The following HTR2C variants were observed in gnomAD, a reference collection of about 807,000 sequenced individuals.
HTR2C encodes the protein 5-hydroxytryptamine (serotonin) receptor 2C, G protein-coupled.
HTR2C carries 5 observed loss-of-function variants against 21.0 expected under a neutral mutation model. The observed-to-expected ratio is 0.24, with a 90% confidence interval of 0.12 to 0.50. The LOEUF (loss-of-function observed/expected upper bound fraction) is 0.50. Ranked by LOEUF, HTR2C falls within the 20% of genes least tolerant of loss-of-function variation. The probability of loss-of-function intolerance (pLI) is 0.98; values close to 1 mark genes in which losing one functional copy is unlikely to be tolerated. For missense variants in HTR2C, 271 were observed against 371.2 expected, an observed-to-expected ratio of 0.73 and a Z score of 2.22; for synonymous variants, 150 against 145.3, an observed-to-expected ratio of 1.03 and a Z score of -0.23.
At chrX:114,725,789 C>G (rs781798397) in intron 2 of HTR2C, among the ~76,000 whole-genome samples, 5 of 111,040 alleles carry the variant, frequency 4.5e-5, no homozygotes, top group East Asian at 5.7e-4. Flanking sequence ...AGGTGTCAGT[C>G]TGCCCCTGCT....
At chrX:114,619,314 A>G (rs1556401116) in intron 2 of HTR2C, among the ~76,000 whole-genome samples, 1 of 111,643 alleles carries the variant, frequency 9.0e-6, no homozygotes, top group African/African-American at 3.3e-5. Flanking sequence ...TCTCTTTAGT[A>G]CTAGAATAAC....
chrX:114,881,656 T>C (rs1218242772), intron 5 of HTR2C, among the ~76,000 whole-genome samples: 1 of 110,610 alleles, frequency 9.0e-6, no homozygotes, highest in Admixed American at 9.7e-5. Context: ...ATAGAAACCA[T>C]GTGTTTACTT....
chrX:114,858,947 CT>C (rs201105612), intron 5 of HTR2C, among the ~76,000 whole-genome samples: 2,203 of 109,976 alleles, frequency 0.02, 56 homozygotes, highest in African/African-American at 0.069. Context: ...TTATTTCTTC[CT>C]TTATTCTGTT....
At chrX:114,902,313 T>TTAAC (rs2071342656) in intron 5 of HTR2C, among the ~76,000 whole-genome samples, 1 of 111,476 alleles carries the variant, frequency 9.0e-6, no homozygotes, top group Non-Finnish European at 1.9e-5. Context: ...ACTTAATGCA[T>TTAAC]TAACATAGAA....
intron 2 of HTR2C, among the ~76,000 whole-genome samples, chrX:114,627,189 G>A (rs1569479296): frequency 9.0e-6 from 1 of 111,093 alleles, no homozygotes; most frequent in Non-Finnish European, 1.9e-5. Context: ...GTTGTTCATT[G>A]CCCTAAATTA....
chrX:114,667,664 G>A (rs1261601799), intron 2 of HTR2C, among the ~76,000 whole-genome samples: 1 of 111,659 alleles, frequency 9.0e-6, no homozygotes, highest in Non-Finnish European at 1.9e-5. Flanking sequence ...GGGTGACATT[G>A]AAGTAACATG....
At chrX:114,638,387 T>C (rs1400015856) in intron 2 of HTR2C, among the ~76,000 whole-genome samples, 1 of 111,350 alleles carries the variant, frequency 9.0e-6, no homozygotes, top group Non-Finnish European at 1.9e-5. Flanking sequence ...ATAACCAAGA[T>C]CTTTAGGTTA....
At chrX:114,782,681 G>A (rs1382996146) in intron 4 of HTR2C, among the ~76,000 whole-genome samples, 3 of 109,969 alleles carry the variant, frequency 2.7e-5, no homozygotes, top group Non-Finnish European at 5.7e-5. Flanking sequence ...TTGCACCAAC[G>A]CACTCCAGCT....
At position 114,771,343 on chromosome X, in the gene HTR2C, T is replaced by A. The variant is rs1263281026; in HGVS notation, c.349+39736T>A. Among the ~76,000 whole-genome samples, 11 of 110,795 alleles carry A rather than the reference T, an allele frequency of 9.9e-5. 1 individual carries two copies. The highest frequency in any genetic ancestry group is 2.7e-4 in the African/African-American group (8 of 29,808). On this transcript the variant is annotated intron_variant, in intron 4 of 5. Coordinates refer to ENST00000276198, the MANE Select transcript of HTR2C (RefSeq NM_000868.4). ...GGTAGCATTTTTCTTTGATATTTGT[T>A]TTTATTTTTAATCCTTCTTAAGAGT...
At chrX:114,825,628 A>G (rs2070671785) in intron 4 of HTR2C, among the ~76,000 whole-genome samples, 1 of 111,156 alleles carries the variant, frequency 9.0e-6, no homozygotes, top group South Asian at 3.8e-4. Flanking sequence ...CAATTAGGTC[A>G]AGTTTGTTGG....
At chrX:114,634,575 C>T (rs1317458767) in intron 2 of HTR2C, among the ~76,000 whole-genome samples, 1 of 110,720 alleles carries the variant, frequency 9.0e-6, no homozygotes, top group African/African-American at 3.3e-5. Context: ...TTCAGGAGGC[C>T]GAGGTGGGCA....
In HTR2C at chrX:114,712,005, CTT is replaced by C. The variant is rs781934628; in HGVS notation, c.-79-14851_-79-14850del. Reference sequence around the variant, plus strand: ...TTATTAACAAAAGAAAATAATGGCTCTTTGTGACAGTTTTTAAAATGTAGCAA... The same window carrying C: ...TTATTAACAAAAGAAAATAATGGCTCTGTGACAGTTTTTAAAATGTAGCAA... On this transcript the variant is annotated intron_variant, in intron 2 of 5. Coordinates refer to ENST00000276198, the MANE Select transcript of HTR2C (RefSeq NM_000868.4). Among the ~76,000 whole-genome samples, 36 of 111,827 alleles carry C rather than the reference CTT, an allele frequency of 3.2e-4. No homozygotes were observed. In the Admixed American group the frequency reaches 3.2e-3, roughly 10 times the overall value.
chrX:114,631,129 C>A (rs1487336081), intron 2 of HTR2C, among the ~76,000 whole-genome samples: 16 of 111,106 alleles, frequency 1.4e-4, no homozygotes, highest in African/African-American at 4.9e-4. Context: ...CGTGGCGAAA[C>A]CCGTCTCTAC....
At chrX:114,676,521 T>C (rs1210024605) in intron 2 of HTR2C, among the ~76,000 whole-genome samples, 1 of 112,474 alleles carries the variant, frequency 8.9e-6, no homozygotes, top group Non-Finnish European at 1.9e-5. Context: ...TCCATTTTTA[T>C]GCACATTAAA....
chrX:114,615,238 C>T (rs1928904088), intron 2 of HTR2C, among the ~76,000 whole-genome samples: 1 of 111,370 alleles, frequency 9.0e-6, no homozygotes, highest in East Asian at 2.8e-4. Flanking sequence ...AAAATGTACC[C>T]TTTTTCAGAA....
At chrX:114,860,512 G>A (rs1016236364) in intron 5 of HTR2C, among the ~76,000 whole-genome samples, 19 of 110,625 alleles carry the variant, frequency 1.7e-4, no homozygotes, top group Admixed American at 1.3e-3. Context: ...CACTTATAAA[G>A]AGCATATAGT....
chrX:114,727,218 T>C (rs1556422275), intron 3 of HTR2C, among the ~76,000 whole-genome samples: 2 of 112,288 alleles, frequency 1.8e-5, no homozygotes, highest in Non-Finnish European at 3.8e-5. Flanking sequence ...GATAATGCCC[T>C]AAATTCAAAT....
chrX:114,742,715 T>TTC (rs1556425502), intron 4 of HTR2C, among the ~76,000 whole-genome samples: 1 of 65,857 alleles, frequency 1.5e-5, no homozygotes, highest in Non-Finnish European at 2.9e-5. Context: ...GCTACTGTTT[T>TTC]TTTTTTTTTT....
At chrX:114,812,522 G>A (rs782064653) in intron 4 of HTR2C, among the ~76,000 whole-genome samples, 19 of 110,391 alleles carry the variant, frequency 1.7e-4, no homozygotes, top group South Asian at 3.9e-4. Flanking sequence ...TTGAGGTCAG[G>A]AGTTCGAGAC....
Sources: allele counts gnomAD v4.1 joint callset (sites outside exome capture counted in the v4.1 genomes callset), GRCh38; gene constraint gnomAD v4.1.1; transcripts MANE v1.5; gene names NCBI Gene and HGNC (gene_info 2026-07-23, HGNC 2026-07-21).